Variants in SNX13 observed in about 807,000 individuals in gnomAD.
SNX13 encodes sorting nexin 13, also known as sorting nexin-13.
A neutral mutation model predicts 133.6 loss-of-function variants in SNX13; 45 were observed. The ratio of observed to expected loss-of-function variants is 0.34; its 90% CI spans 0.27 to 0.43. SNX13 has a LOEUF of 0.43. Among genes scored for constraint, SNX13 ranks in the 20% least tolerant of loss-of-function variants. The pLI is 1.00. For synonymous variants in SNX13, 414 were observed against 373.9 expected, an observed-to-expected ratio of 1.11 and a Z score of -1.24; for missense variants, 1,032 against 1,145.1, an observed-to-expected ratio of 0.90 and a Z score of 1.43.
rs754115005 is a variant in SNX13, at chr7:17,875,564, C to T, written c.580G>A (p.Val194Ile). ...DQVKGTAEDL[V>I]DTFFEVEVEM... ...ACTTCAACTTCAAAGAAGGTATCTA[C>T]AAGATCTTCTGCTGTACCTAAAGAA... The change falls in exon 7 of 26, where the codon GTA becomes ATA. Residue 194 changes from valine (V) to isoleucine (I), a missense_variant. Physicochemically the swap from Val to Ile is conservative, Grantham distance 29. Coordinates refer to ENST00000428135, the MANE Select transcript of SNX13 (RefSeq NM_015132.5). 4.3e-6 allele frequency: 7 copies of T among 1,611,334 alleles called. No homozygotes were observed. The highest frequency in any genetic ancestry group is 1.7e-5 in the Admixed American group (1 of 59,630).
At chr7:17,798,043 C>G (rs1784243568) in intron 24 of SNX13, among the ~76,000 whole-genome samples, 1 of 151,818 alleles carries the variant, frequency 6.6e-6, no homozygotes, top group South Asian at 2.1e-4. Context: ...TTCTTGCTTC[C>G]TTTCCTTCCC....
chr7:17,915,623 CTG>C (rs1350449652), intron 1 of SNX13, among the ~76,000 whole-genome samples: 2 of 151,290 alleles, frequency 1.3e-5, no homozygotes, highest in Admixed American at 6.6e-5. Flanking sequence ...GTCTGTCTGT[CTG>C]TCTGTCTCTC....
At chr7:17,805,211 TTGTGTGTGTGTGTGTG>T (rs55946438) in intron 20 of SNX13, among the ~76,000 whole-genome samples, 7 of 118,492 alleles carry the variant, frequency 5.9e-5, no homozygotes, top group African/African-American at 1.3e-4. Flanking sequence ...TAATGATTCT[TTGTGTGTGTGTGTGTG>T]TGTGTGTGTG....
chr7:17,829,063 AG>A (rs1788204062), intron 16 of SNX13, among the ~76,000 whole-genome samples: 1 of 151,588 alleles, frequency 6.6e-6, no homozygotes, highest in Admixed American at 6.6e-5. Context: ...ATTCTACCAC[AG>A]ATTTGCTTTA....
intron 5 of SNX13, chr7:17,879,417 G>T (rs1795093568): frequency 6.6e-6 from 1 of 152,310 alleles, no homozygotes; most frequent in African/African-American, 2.4e-5. Flanking sequence ...GAAAAGTAAT[G>T]ATTCAAACAT....
intron 1 of SNX13, among the ~76,000 whole-genome samples, chr7:17,920,203 G>C (rs376111932): frequency 6.6e-6 from 1 of 151,952 alleles, no homozygotes; most frequent in African/African-American, 2.4e-5. Context: ...TATCTATTTC[G>C]CTTAGTAAAA....
chr7:17,817,539 C>A (rs1786796399), intron 18 of SNX13, among the ~76,000 whole-genome samples: 1 of 152,156 alleles, frequency 6.6e-6, no homozygotes, highest in Non-Finnish European at 1.5e-5. Context: ...AAGGACAAAT[C>A]TGATGGCTGC....
intron 20 of SNX13, among the ~76,000 whole-genome samples, chr7:17,813,141 G>GTA (rs1324449694): frequency 2.6e-5 from 4 of 151,882 alleles, no homozygotes; most frequent in African/African-American, 9.7e-5. Context: ...AAAAAGTGTT[G>GTA]TATAACTGTT....
At chr7:17,928,609 C>T (rs1209837419) in intron 1 of SNX13, among the ~76,000 whole-genome samples, 2 of 151,890 alleles carry the variant, frequency 1.3e-5, no homozygotes, top group African/African-American at 4.8e-5. Flanking sequence ...AACTGATTAA[C>T]TTAGATTCAA....
At chr7:17,797,643 G>A (rs1050031771) in intron 24 of SNX13, among the ~76,000 whole-genome samples, 5 of 151,694 alleles carry the variant, frequency 3.3e-5, no homozygotes, top group African/African-American at 1.2e-4. Context: ...CCTTTCATTG[G>A]ATTAATTAAG....
rs1783606241 is a variant in SNX13 at position 17,792,137 on chromosome 7, T to C, written c.*1908A>G. 1 of 152,086 alleles carries C rather than the reference T, an allele frequency of 6.6e-6. No homozygotes were observed. The highest frequency in any genetic ancestry group is 1.5e-5 in the Non-Finnish European group (1 of 67,966). The allele number at this position is 152,086 out of a possible 1,614,324, so 9.4% of individuals were successfully genotyped here. On this transcript the variant is annotated 3_prime_UTR_variant, in exon 26 of 26. Transcript: ENST00000428135. ...TTCTGTATACTGTTAGATTTATTCA[T>C]GTCAAAAATATATTTGAAATGGGCA...
chr7:17,895,063 G>C (rs1281181442), intron 2 of SNX13, among the ~76,000 whole-genome samples: 1 of 152,038 alleles, frequency 6.6e-6, no homozygotes, highest in Non-Finnish European at 1.5e-5. Flanking sequence ...GTTTTACCTG[G>C]TTATTAAGCA....
chr7:17,926,266 G>A (rs1325205507), intron 1 of SNX13, among the ~76,000 whole-genome samples: 1 of 151,944 alleles, frequency 6.6e-6, no homozygotes, highest in Non-Finnish European at 1.5e-5. Flanking sequence ...TTGAAAGTGT[G>A]CTATATAAAA....
At chr7:17,865,863 A>C (rs549348543) in intron 9 of SNX13, among the ~76,000 whole-genome samples, 64 of 152,336 alleles carry the variant, frequency 4.2e-4, no homozygotes, top group Admixed American at 1.0e-3. Context: ...ACTTTTTACA[A>C]ATGTGCCAAA....
intron 5 of SNX13, among the ~76,000 whole-genome samples, chr7:17,877,329 A>T (rs1794844125): frequency 1.3e-5 from 2 of 151,968 alleles, no homozygotes; most frequent in African/African-American, 4.8e-5. Flanking sequence ...CTCAACATAA[A>T]CCTAAAATAA....
At chr7:17,935,980 C>T (rs1801974942) in intron 1 of SNX13, among the ~76,000 whole-genome samples, 2 of 152,232 alleles carry the variant, frequency 1.3e-5, no homozygotes, top group Non-Finnish European at 2.9e-5. Context: ...TGTGTGTGAG[C>T]GTGGATGTAT....
intron 9 of SNX13, among the ~76,000 whole-genome samples, chr7:17,866,635 T>C (rs1216890361): frequency 6.6e-6 from 1 of 152,096 alleles, no homozygotes; most frequent in Non-Finnish European, 1.5e-5. Context: ...AGGCCAAATA[T>C]GTGGGAACTA....
rs566997160 is a variant in SNX13 at position 17,899,627 on chromosome 7, A to C, written c.13-2181T>G. On this transcript the variant is annotated intron_variant, in intron 1 of 25. Coordinates refer to ENST00000428135, the MANE Select transcript of SNX13 (RefSeq NM_015132.5). ...GTCAGTAGGTCAACTGCATTTTTCAACTCCAAGATTTGTGCTTGATTCTAT... is the reference window on the plus strand; with the variant it reads ...GTCAGTAGGTCAACTGCATTTTTCACCTCCAAGATTTGTGCTTGATTCTAT... 4.6e-5 allele frequency: 7 copies of C among 151,212 alleles called. No homozygotes were observed. In the South Asian group the frequency reaches 1.5e-3, roughly 32 times the overall value. 9.4% of individuals were successfully genotyped at this position (151,212 alleles called of 1,614,324 possible).
intron 7 of SNX13, among the ~76,000 whole-genome samples, chr7:17,874,856 T>C (rs755120796): frequency 4.6e-5 from 7 of 152,334 alleles, no homozygotes; most frequent in Non-Finnish European, 8.8e-5. Flanking sequence ...TTATTTGAAA[T>C]CACTGTATCA....
Sources: gnomAD v4.1 joint callset for allele counts (sites outside exome capture counted in the v4.1 genomes callset) on GRCh38, gnomAD v4.1.1 for gene constraint, MANE v1.5 for transcripts, NCBI Gene and HGNC (gene_info 2026-07-23, HGNC 2026-07-21) for gene names.